The following DAB2 variants were observed in gnomAD, a reference collection of about 807,000 sequenced individuals.
DAB2 encodes the protein disabled homolog 2.
In DAB2, 28 loss-of-function variants were observed where a neutral mutation model predicts 71.6. The ratio of observed to expected loss-of-function variants is 0.39; its 90% CI spans 0.29 to 0.54. DAB2 has a LOEUF of 0.54. DAB2 is among the 20% of genes least tolerant of loss of function. The pLI, the probability that DAB2 is intolerant of heterozygous loss-of-function variation, is 0.68. For synonymous variants in DAB2, 345 were observed against 339.7 expected (o/e 1.02, Z -0.17); for missense variants, 867 against 928.8 (o/e 0.93, Z 0.86).
chr5:39,390,508 G>A lies in DAB2; in HGVS notation c.398C>T (p.Ala133Val). The change falls in exon 5 of 15, where the codon GCA (alanine) becomes GTA (valine). Residue 133 changes from alanine (A) to valine (V), a missense_variant. Ala to Val is a moderately conservative substitution (Grantham distance 64). Coordinates refer to ENST00000320816, the MANE Select transcript of DAB2 (RefSeq NM_001343.4). ...TTCTCCTCCACACACGTAACCAAAT[G>A]CCCGGTTGTCTGTCACATCACGGGC... ...FIARDVTDNRAFGYVCGGEGQ... is the reference protein window; with the variant it reads ...FIARDVTDNRVFGYVCGGEGQ... The A allele has an allele frequency of 6.2e-7, 1 of 1,613,958 alleles. No individual in the cohort carries two copies. Among genetic ancestry groups the A allele is most frequent in the Non-Finnish European group, 8.5e-7 (1 of 1,179,976 alleles).
At chr5:39,389,959 C>A (rs2855512) in intron 5 of DAB2, 27 bp from the exon 6 acceptor site, 1,405,865 of 1,432,544 alleles carry the variant, frequency 0.98, 692,557 homozygotes, top group Non-Finnish European at 1. Flanking sequence ...CACTGTTATC[C>A]GTATTTTAAT....
chr5:39,392,435 C>T lies in DAB2; in HGVS notation c.260G>A (p.Gly87Glu), dbSNP rs1367023339. ...KGMAAAGRSQ[G>E]QHKQRIWVNI... ...GACCCAGATCCTTTGTTTGTGTTGT[C>T]CCTGAGACCGACCAGCTGCCGCCAT... is the stretch of plus-strand genomic sequence containing the variant. The change falls in exon 4 of 15, where the codon GGA (glycine) becomes GAA (glutamate). Residue 87 changes from glycine (G) to glutamate (E), a missense_variant. Transcript: ENST00000320816. 3 of 1,614,030 alleles carry T rather than the reference C, an allele frequency of 1.9e-6. No homozygotes were observed. The highest frequency in any genetic ancestry group is 1.7e-6 in the Non-Finnish European group (2 of 1,179,950).
chr5:39,416,896 T>C (rs1456448093), intron 1 of DAB2, among the ~76,000 whole-genome samples: 1 of 152,156 alleles, frequency 6.6e-6, no homozygotes, highest in Non-Finnish European at 1.5e-5. Context: ...TGCACCTTAA[T>C]CTTAGGTTAA....
intron 3 of DAB2, 105 bp from the exon 4 acceptor site, chr5:39,392,568 C>A (rs1755259282): frequency 1.2e-6 from 1 of 801,190 alleles, no homozygotes; most frequent in Non-Finnish European, 2.1e-6. Flanking sequence ...TCGACTTGAT[C>A]TGCCATCGAT....
Position 39,383,284 on chromosome 5 carries a change from G to GA in DAB2, c.688-14dup. On this transcript the variant is annotated splice_polypyrimidine_tract_variant and intron_variant, in intron 9 of 14. Transcript: ENST00000320816. ...TATCTTTGCTTTCCTATCACATTTG[G>GA]AAAGAAAAAAAAAGAAAGTGTTAGT... 6.4e-7 allele frequency: 1 copy of GA among 1,562,752 alleles called. No individual in the cohort carries two copies. Among genetic ancestry groups the GA allele is most frequent in the Admixed American group, 2.0e-5 (1 of 50,880 alleles).
Position 39,382,746 on chromosome 5 carries a change from C to T in DAB2, c.1213G>A (p.Gly405Arg), listed in dbSNP as rs758202197. Residue 405 changes from glycine to arginine, a missense_variant, in exon 10 of 15, where the codon GGA becomes AGA. Physicochemically the swap from Gly to Arg is moderately radical, Grantham distance 125. Around this residue, in one of 2 missense-constraint regions of DAB2, gnomAD observed 740 missense variants for 734.3 expected, o/e 1.01. Transcript: ENST00000320816. ...TTTACGCCATTCTGTATGGACAGTC[C>T]TTTGGGAGGGCTTCCCACAAAAGGG... ...PNPFVGSPPK[G>R]LSIQNGVKQD... 10 of 1,614,130 alleles carry T rather than the reference C, an allele frequency of 6.2e-6. 1 individual carries two copies. The Middle Eastern group carries it at 4.9e-4, about 80-fold the overall frequency.
intron 1 of DAB2, among the ~76,000 whole-genome samples, chr5:39,398,796 A>G (rs1755436224): frequency 6.6e-6 from 1 of 152,228 alleles, no homozygotes; most frequent in Non-Finnish European, 1.5e-5. Flanking sequence ...GCACGTCCCC[A>G]TCATAGACTT....
chr5:39,417,236 T>C (rs1217116325), intron 1 of DAB2: 1 of 152,012 alleles, frequency 6.6e-6, no homozygotes, highest in African/African-American at 2.4e-5. Flanking sequence ...CCATGGCACA[T>C]GTATACCTAT....
intron 13 of DAB2, 85 bp from the exon 14 acceptor site, chr5:39,375,169 A>G: frequency 1.0e-6 from 1 of 995,738 alleles, no homozygotes; most frequent in Non-Finnish European, 1.6e-6. Context: ...AATTCTTTTA[A>G]AAATCGCTTA....
At chr5:39,385,241 A>ATCAAAAGG (rs1755073513) in intron 9 of DAB2, 1 of 152,210 alleles carries the variant, frequency 6.6e-6, no homozygotes, top group Admixed American at 6.5e-5. Flanking sequence ...TCTTTATACA[A>ATCAAAAGG]TCAAAAGGTA....
At chr5:39,398,143 T>G (rs914893644) in intron 1 of DAB2, among the ~76,000 whole-genome samples, 9 of 152,214 alleles carry the variant, frequency 5.9e-5, no homozygotes, top group African/African-American at 2.2e-4. Context: ...GCTCATTAAA[T>G]TTGGCAATTT....
chr5:39,381,511 G>A lies in DAB2; in HGVS notation c.1447C>T (p.Pro483Ser). The A allele has an allele frequency of 6.2e-7, 1 of 1,614,140 alleles. No individual in the cohort carries two copies. The highest frequency in any genetic ancestry group is 8.5e-7 in the Non-Finnish European group (1 of 1,179,990). The change falls in exon 11 of 15, where the codon CCT (proline) becomes TCT (serine). Residue 483 changes from proline to serine, a missense_variant. Pro to Ser is a moderately conservative substitution (Grantham distance 74). This residue lies in a region of DAB2 where 740 missense variants were observed against 734.3 expected (regional missense o/e 1.01). Coordinates refer to ENST00000320816, the MANE Select transcript of DAB2 (RefSeq NM_001343.4). ...TGQPTALQPN[P>S]LDLFKTSAPA... ...GCACTTGTTTTGAAGAGATCCAGAGGGTTGGGCTGCAGGGCTGTAGGTTGT... is the reference window on the plus strand; with the variant it reads ...GCACTTGTTTTGAAGAGATCCAGAGAGTTGGGCTGCAGGGCTGTAGGTTGT...
chr5:39,414,953 T>C (rs1392211592), intron 1 of DAB2, among the ~76,000 whole-genome samples: 1 of 152,058 alleles, frequency 6.6e-6, no homozygotes, highest in East Asian at 1.9e-4. Flanking sequence ...TAAAGGGGCT[T>C]AGAGGTTAGG....
At chr5:39,382,574 C>T (rs757580361) in intron 10 of DAB2, 44 bp downstream of exon 10, 15 of 1,559,988 alleles carry the variant, frequency 9.6e-6, no homozygotes, top group South Asian at 7.0e-5. Context: ...CCTTTGGTAC[C>T]GAACATGCAC....
intron 12 of DAB2, 71 bp downstream of exon 12, chr5:39,376,579 G>A (rs1754836274): frequency 3.2e-6 from 5 of 1,544,908 alleles, no homozygotes; most frequent in Non-Finnish European, 4.4e-6. Flanking sequence ...GTTCATTTGG[G>A]GAACTCATTT....
rs779339411 is a variant in DAB2 at position 39,376,982 on chromosome 5, G to A, written c.1805C>T (p.Pro602Leu). The change falls in exon 12 of 15, where the codon CCT becomes CTT. Residue 602 changes from proline to leucine, a missense_variant. By Grantham distance (98) the Pro-to-Leu change is moderately conservative. Coordinates refer to ENST00000320816, the MANE Select transcript of DAB2 (RefSeq NM_001343.4). ...NPFQSNIFPA[P>L]AVSTQPPSMH... ...GGATGGGGGCTGAGTGGACACAGCA[G>A]GAGCTGGAAAAATATTGCTCTGAAA... is the stretch of plus-strand genomic sequence containing the variant. 2 of 1,614,126 alleles carry A rather than the reference G, an allele frequency of 1.2e-6. No individual in the cohort carries two copies. The highest frequency in any genetic ancestry group is 1.1e-5 in the South Asian group (1 of 91,078).
Position 39,394,440 on chromosome 5 carries a change from G to A in DAB2, c.-101-19C>T, listed in dbSNP as rs374641106. On this transcript the variant is annotated intron_variant, in intron 1 of 14. Transcript: ENST00000320816. Reference sequence around the variant, plus strand: ...CAGACACCTGTAGGCAGAGTTTAGAGGCATATTGAGATCAGAACACAGCAG... The same window carrying A: ...CAGACACCTGTAGGCAGAGTTTAGAAGCATATTGAGATCAGAACACAGCAG... 3 of 746,880 alleles carry A rather than the reference G, an allele frequency of 4.0e-6. No homozygotes were observed. Among genetic ancestry groups the A allele is most frequent in the African/African-American group, 3.5e-5 (2 of 57,848 alleles). The allele number at this position is 746,880 out of a possible 1,614,324, so 46.3% of individuals were successfully genotyped here.
chr5:39,405,994 T>C (rs1434749500), intron 1 of DAB2, among the ~76,000 whole-genome samples: 2 of 152,152 alleles, frequency 1.3e-5, no homozygotes, highest in African/African-American at 4.8e-5. Flanking sequence ...GGCTTTATTA[T>C]GGGGTTGGAA....
At chr5:39,411,249 G>A (rs956044729) in intron 1 of DAB2, among the ~76,000 whole-genome samples, 4 of 152,056 alleles carry the variant, frequency 2.6e-5, no homozygotes, top group Non-Finnish European at 5.9e-5. Flanking sequence ...TAGTCTACCC[G>A]GGAATGTCAA....
Sources: gnomAD v4.1 joint callset for allele counts (sites outside exome capture counted in the v4.1 genomes callset) on GRCh38, gnomAD v4.1.1 for gene constraint, gnomAD v4.1.1 regional missense constraint, MANE v1.5 for transcripts, NCBI Gene and HGNC (gene_info 2026-07-23, HGNC 2026-07-21) for gene names.